ZNF143: variants seen among roughly 807,000 people sequenced by gnomAD.
ZNF143 encodes the protein zinc finger protein 143.
A neutral mutation model predicts 74.1 loss-of-function variants in ZNF143; 49 were observed. That is an observed-to-expected ratio of 0.66 (90% CI 0.53 to 0.84). The LOEUF (loss-of-function observed/expected upper bound fraction) is 0.84. ZNF143 is among the 40% of genes least tolerant of loss of function. ZNF143 has a pLI of 0.00. For missense variants in ZNF143, 637 were observed against 793.4 expected, an observed-to-expected ratio of 0.80 and a Z score of 2.37; for synonymous variants, 304 against 282.8, an observed-to-expected ratio of 1.07 and a Z score of -0.75.
chr11:9,490,567 G>A (rs185330236), intron 7 of ZNF143, among the ~76,000 whole-genome samples: 17 of 151,648 alleles, frequency 1.1e-4, no homozygotes, highest in African/African-American at 4.1e-4. Context: ...GATTACAGAC[G>A]TGAGCTGCCG....
chr11:9,484,871 C>G (rs368347469), intron 7 of ZNF143, among the ~76,000 whole-genome samples: 1 of 134,364 alleles, frequency 7.4e-6, no homozygotes, highest in South Asian at 2.5e-4. Flanking sequence ...GATCTTGGCT[C>G]ACTGCAAGCT....
chr11:9,471,330 C>T lies in ZNF143; in HGVS notation c.22C>T (p.Arg8Ter), dbSNP rs758575257. The T allele has an allele frequency of 9.3e-6, 15 of 1,611,590 alleles. No homozygotes were observed. Among genetic ancestry groups the T allele is most frequent in the Non-Finnish European group, 1.2e-5 (14 of 1,179,132 alleles). The change falls in exon 2 of 16, where the codon CGA becomes TGA. Residue 8 changes from arginine to a stop codon, truncating the protein, a stop_gained. Coordinates refer to ENST00000396602, the MANE Select transcript of ZNF143 (RefSeq NM_003442.6). LOFTEE classifies it high-confidence loss of function. MLLAQIN[R>*]DSQGMTEFPG... ...GAAGATGTTGTTAGCCCAAATAAAT[C>T]GAGATTCTCAGGGAATGACAGAGTT...
rs559476665 is a variant in ZNF143 at position 9,501,034 on chromosome 11, A to G, written c.968-57A>G. On this transcript the variant is annotated intron_variant, in intron 10 of 15. Transcript: ENST00000396602. ...CCTAGGCAGGATTGAAGGATAAGACATTTTAATCCTCTATATATTTTTGCA... is the reference window on the plus strand; with the variant it reads ...CCTAGGCAGGATTGAAGGATAAGACGTTTTAATCCTCTATATATTTTTGCA... 4 of 1,588,942 alleles carry G rather than the reference A, an allele frequency of 2.5e-6. No homozygotes were observed. The South Asian group carries it at 4.4e-5, about 18-fold the overall frequency.
intron 7 of ZNF143, among the ~76,000 whole-genome samples, chr11:9,487,939 A>G (rs1847624479): frequency 6.6e-6 from 1 of 152,172 alleles, no homozygotes; most frequent in Non-Finnish European, 1.5e-5. Flanking sequence ...ACATCTGTAG[A>G]ATCAGCTATT....
Position 9,472,692 on chromosome 11 carries a change from A to T in ZNF143, c.128A>T (p.Glu43Val). 4 of 1,611,016 alleles carry T rather than the reference A, an allele frequency of 2.5e-6. No individual in the cohort carries two copies. The highest frequency in any genetic ancestry group is 3.4e-6 in the Non-Finnish European group (4 of 1,179,144). Residue 43 changes from glutamate (E) to valine (V), a missense_variant, in exon 3 of 16, where the codon GAA (glutamate) becomes GTA (valine). This residue lies in a region of ZNF143 where 293 missense variants were observed against 307.8 expected (regional missense o/e 0.95). Transcript: ENST00000396602. ...TTTGTAATAGATGGTGACAACTTAG[A>T]AAATATGGAAGGCGTAAGCTTGCAA... is the stretch of plus-strand genomic sequence containing the variant. ...AVTVADGDNLENMEGVSLQAV... is the reference protein window; with the variant it reads ...AVTVADGDNLVNMEGVSLQAV...
Position 9,512,570 on chromosome 11 carries a change from C to G in ZNF143, c.1498C>G (p.Leu500Val). ...TQSGLSQQVT[L>V]ISQDGTQHVN... ...ATCTGGACTGAGTCAACAAGTTACA[C>G]TCATATCCCAGGATGGGACTCAGCA... The change falls in exon 13 of 16, where the codon CTC (leucine) becomes GTC (valine). Residue 500 changes from leucine to valine, a missense_variant. By Grantham distance (32) the Leu-to-Val change is conservative. Around this residue, in one of 2 missense-constraint regions of ZNF143, gnomAD observed 344 missense variants for 485.6 expected, o/e 0.71. Coordinates refer to ENST00000396602, the MANE Select transcript of ZNF143 (RefSeq NM_003442.6). 2 of 1,614,240 alleles carry G rather than the reference C, an allele frequency of 1.2e-6. No homozygotes were observed. The highest frequency in any genetic ancestry group is 1.7e-6 in the Non-Finnish European group (2 of 1,180,052).
intron 1 of ZNF143, among the ~76,000 whole-genome samples, chr11:9,470,068 A>G (rs1313081648): frequency 6.6e-6 from 1 of 152,236 alleles, no homozygotes. Context: ...TCCTCAAGAC[A>G]TCTTCTGGTT....
chr11:9,469,181 A>G (rs1295741488), intron 1 of ZNF143, among the ~76,000 whole-genome samples: 1 of 149,810 alleles, frequency 6.7e-6, no homozygotes, highest in East Asian at 1.9e-4. Context: ...GTAACTGAAA[A>G]TTAGCCTATG....
At chr11:9,493,531 TATATTACAAGGAAA>T (rs1382773162) in intron 7 of ZNF143, among the ~76,000 whole-genome samples, 4 of 152,198 alleles carry the variant, frequency 2.6e-5, no homozygotes, top group Non-Finnish European at 5.9e-5. Context: ...TTAGTTGATT[TATATTACAAGGAAA>T]AGTCAAAGTC....
chr11:9,501,414 T>C (rs1423734432), intron 11 of ZNF143, 144 bp downstream of exon 11: 2 of 922,538 alleles, frequency 2.2e-6, no homozygotes, highest in African/African-American at 3.4e-5. Context: ...TGAAAAAGTT[T>C]CACCTTAACA....
chr11:9,511,975 T>A (rs370882929), intron 12 of ZNF143, among the ~76,000 whole-genome samples: 251 of 150,600 alleles, frequency 1.7e-3, no homozygotes, highest in African/African-American at 5.4e-3. Flanking sequence ...ATGGTCTCGA[T>A]CTCCTGACCT....
intron 9 of ZNF143, among the ~76,000 whole-genome samples, chr11:9,497,059 C>G (rs1463024356): frequency 6.6e-6 from 1 of 152,222 alleles, no homozygotes; most frequent in Non-Finnish European, 1.5e-5. Context: ...GGCACCAGGC[C>G]TGCTGACTTC....
Position 9,490,274 on chromosome 11 carries a change from AGCTTTTTTTTTTTTTTTT to A in ZNF143, c.646-4355_646-4338del, listed in dbSNP as rs944773716. Among the ~76,000 whole-genome samples, 491 of 144,720 alleles carry A rather than the reference AGCTTTTTTTTTTTTTTTT, an allele frequency of 3.4e-3. 3 individuals carry two copies. Among genetic ancestry groups the A allele is most frequent in the African/African-American group, 0.012 (463 of 39,374 alleles). 94.9% of individuals were successfully genotyped at this position (144,720 alleles called of 152,430 possible). A position where few individuals can be genotyped will look rare whatever the true frequency, so the allele number is the denominator to read the frequency against. On this transcript the variant is annotated intron_variant, in intron 7 of 15. Coordinates refer to ENST00000396602, the MANE Select transcript of ZNF143 (RefSeq NM_003442.6). ...GGATGGTGGAATTATAACACACTTA[AGCTTTTTTTTTTTTTTTT>A]GCTTTTTTTTTTTTTTGAGACAGGG...
chr11:9,481,993 T>C (rs984119404), intron 7 of ZNF143, among the ~76,000 whole-genome samples: 3 of 109,918 alleles, frequency 2.7e-5, no homozygotes, highest in African/African-American at 7.0e-5. Flanking sequence ...TTTTTTGAGG[T>C]GGAGTCTCAC....
chr11:9,471,968 C>G (rs1231129136), intron 2 of ZNF143, among the ~76,000 whole-genome samples: 1 of 145,708 alleles, frequency 6.9e-6, no homozygotes, highest in Non-Finnish European at 1.5e-5. Context: ...CTTGCTTTAT[C>G]GCCCAGGCTG....
intron 7 of ZNF143, among the ~76,000 whole-genome samples, chr11:9,483,544 C>A (rs1393471487): frequency 6.6e-6 from 1 of 150,766 alleles, no homozygotes; most frequent in African/African-American, 2.5e-5. Context: ...GATCCGCCCA[C>A]TTGGCCTCCC....
chr11:9,482,039 T>G (rs1383000530), intron 7 of ZNF143, among the ~76,000 whole-genome samples: 2 of 132,522 alleles, frequency 1.5e-5, no homozygotes, highest in Non-Finnish European at 3.3e-5. Flanking sequence ...GGCTCGATCT[T>G]GGCTCACTGC....
intron 1 of ZNF143, among the ~76,000 whole-genome samples, chr11:9,464,516 T>G (rs10840244): frequency 0.42 from 64,070 of 151,380 alleles, 14,432 homozygotes; most frequent in Non-Finnish European, 0.52. Flanking sequence ...CAGGAGAATC[T>G]CTTGAACCTG....
intron 10 of ZNF143, 40 bp from the exon 11 acceptor site, chr11:9,501,051 A>G: frequency 6.2e-7 from 1 of 1,607,970 alleles, no homozygotes; most frequent in Non-Finnish European, 8.5e-7. Context: ...TCCTCTATAT[A>G]TTTTTGCACC....
Sources: allele counts gnomAD v4.1 joint callset (sites outside exome capture counted in the v4.1 genomes callset), GRCh38; gene constraint gnomAD v4.1.1; regional missense constraint gnomAD v4.1.1; transcripts MANE v1.5; gene names NCBI Gene and HGNC (gene_info 2026-07-23, HGNC 2026-07-21).